Variants in BTBD7 observed in about 807,000 individuals in gnomAD.
BTBD7 encodes BTB domain containing 7.
In BTBD7, 38 loss-of-function variants were observed where a neutral mutation model predicts 99.9. The ratio of observed to expected loss-of-function variants is 0.38; its 90% CI spans 0.29 to 0.50. The LOEUF is 0.50. Among genes scored for constraint, BTBD7 ranks in the 20% least tolerant of loss-of-function variants. BTBD7 has a pLI of 0.93. For synonymous variants in BTBD7, 520 were observed against 511.4 expected (o/e 1.02, Z -0.23); for missense variants, 1,170 against 1,394.6 (o/e 0.84, Z 2.57).
intron 6 of BTBD7, chr14:93,256,195 CT>C (rs2052427010): frequency 6.6e-6 from 1 of 152,142 alleles, no homozygotes; most frequent in Non-Finnish European, 1.5e-5. Context: ...ATTTCTTCTT[CT>C]GCTAATCAGT....
At chr14:93,328,252 T>C (rs1405091361) in intron 1 of BTBD7, among the ~76,000 whole-genome samples, 2 of 152,062 alleles carry the variant, frequency 1.3e-5, no homozygotes, top group Admixed American at 6.6e-5. Flanking sequence ...TTTGCAGAAA[T>C]AGAAAAACCC....
chr14:93,264,495 T>C (rs1028510169), intron 3 of BTBD7, among the ~76,000 whole-genome samples: 1 of 152,032 alleles, frequency 6.6e-6, no homozygotes, highest in Non-Finnish European at 1.5e-5. Flanking sequence ...CTTCAGAAAA[T>C]AGACAAAATA....
intron 3 of BTBD7, among the ~76,000 whole-genome samples, chr14:93,282,491 C>T (rs2052732382): frequency 6.6e-6 from 1 of 152,122 alleles, no homozygotes; most frequent in Non-Finnish European, 1.5e-5. Context: ...CGCCACCACA[C>T]CTGGCTAATT....
Position 93,242,173 on chromosome 14 carries a change from A to G in BTBD7, c.*100T>C. 1.9e-6 allele frequency: 2 copies of G among 1,051,572 alleles called. No homozygotes were observed. The highest frequency in any genetic ancestry group is 2.8e-6 in the Non-Finnish European group (2 of 716,792). 65.1% of individuals were successfully genotyped at this position (1,051,572 alleles called of 1,614,324 possible). On this transcript the variant is annotated 3_prime_UTR_variant, in exon 11 of 11. Coordinates refer to ENST00000334746, the MANE Select transcript of BTBD7 (RefSeq NM_001002860.4). ...ACTAGAACAAAATCATGTGAAACCGAGTTATCAGCTGGCATTGATGAACTG... is the reference window on the plus strand; with the variant it reads ...ACTAGAACAAAATCATGTGAAACCGGGTTATCAGCTGGCATTGATGAACTG...
At chr14:93,309,408 GAAAAAAA>G (rs11308931) in intron 1 of BTBD7, among the ~76,000 whole-genome samples, 1 of 127,062 alleles carries the variant, frequency 7.9e-6, no homozygotes, top group Non-Finnish European at 1.7e-5. Context: ...CTGTCTCCAA[GAAAAAAA>G]AAAAAAAAAG....
chr14:93,305,454 A>C (rs1457240512), intron 1 of BTBD7, among the ~76,000 whole-genome samples: 2 of 152,244 alleles, frequency 1.3e-5, no homozygotes, highest in Non-Finnish European at 2.9e-5. Flanking sequence ...TCTCTGTAAG[A>C]GACATCAACA....
At chr14:93,328,941 G>A (rs185494601) in intron 1 of BTBD7, among the ~76,000 whole-genome samples, 68 of 152,190 alleles carry the variant, frequency 4.5e-4, no homozygotes, top group African/African-American at 1.5e-3. Flanking sequence ...AGAAAACATA[G>A]GGGAAAAGCT....
At chr14:93,256,108 C>T (rs1045473772) in intron 6 of BTBD7, 2 of 152,126 alleles carry the variant, frequency 1.3e-5, no homozygotes, top group Non-Finnish European at 2.9e-5. Flanking sequence ...TTCCATGTTT[C>T]CATTTAGTAT....
Position 93,296,107 on chromosome 14 carries a change from G to C in BTBD7, c.-56C>G. On this transcript the variant is annotated 5_prime_UTR_variant, in exon 2 of 11. Coordinates refer to ENST00000334746, the MANE Select transcript of BTBD7 (RefSeq NM_001002860.4). ...GGGTTCTTCAGAGTATAATCCCAGA[G>C]GCCTTTATGAACCTTCAACCCTGGA... 6.3e-7 allele frequency: 1 copy of C among 1,582,548 alleles called. No individual in the cohort carries two copies. Among genetic ancestry groups the C allele is most frequent in the Non-Finnish European group, 8.6e-7 (1 of 1,163,272 alleles).
chr14:93,262,907 G>A (rs2052506004), intron 4 of BTBD7, among the ~76,000 whole-genome samples: 1 of 151,980 alleles, frequency 6.6e-6, no homozygotes, highest in Non-Finnish European at 1.5e-5. Flanking sequence ...ATGAGACAAG[G>A]TTAATGAACA....
At chr14:93,287,215 C>A (rs991678788) in intron 3 of BTBD7, among the ~76,000 whole-genome samples, 3 of 132,966 alleles carry the variant, frequency 2.3e-5, no homozygotes, top group East Asian at 2.2e-4. Flanking sequence ...GGCGACAGAG[C>A]GAGACTCTGT....
Position 93,242,891 on chromosome 14 carries a change from G to T in BTBD7, c.2781C>A (p.His927Gln). 6.2e-7 allele frequency: 1 copy of T among 1,614,144 alleles called. No homozygotes were observed. The highest frequency in any genetic ancestry group is 2.2e-5 in the East Asian group (1 of 44,874). The stretch of plus-strand genomic sequence containing the variant: ...TGGTGTCTGTTTTTTGCTCTAGTGT[G>T]TGTTTTTTCCGAGAAGTGTGTGTAT... ...QRHTHTSRKK[H>Q]TLEQKTDTRE... is the part of the protein sequence containing the mutation. The change falls in exon 11 of 11, where the codon CAC (histidine) becomes CAA (glutamine). Residue 927 changes from histidine to glutamine, a missense_variant. Around this residue, in one of 4 missense-constraint regions of BTBD7, gnomAD observed 495 missense variants for 525.9 expected, o/e 0.94. Coordinates refer to ENST00000334746, the MANE Select transcript of BTBD7 (RefSeq NM_001002860.4).
At chr14:93,288,688 C>T in intron 3 of BTBD7, 8 of 1,591,588 alleles carry the variant, frequency 5.0e-6, no homozygotes, top group Non-Finnish European at 6.9e-6. Context: ...CACAGGCAGG[C>T]CTGATGACTG....
rs2052303784 is a variant in BTBD7 at position 93,246,096 on chromosome 14, G to A, written c.2312C>T (p.Pro771Leu). Residue 771 changes from proline (P) to leucine (L), a missense_variant, in exon 10 of 11, where the codon CCA becomes CTA. By Grantham distance (98) the Pro-to-Leu change is moderately conservative (BLOSUM62 -3). Around this residue, in one of 4 missense-constraint regions of BTBD7, gnomAD observed 495 missense variants for 525.9 expected, o/e 0.94. Coordinates refer to ENST00000334746, the MANE Select transcript of BTBD7 (RefSeq NM_001002860.4). ...PPPPYHPPAT[P>L]IHNQLKAGWK... ...GCCTGCTTTGAGTTGGTTATGGATT[G>A]GGGTAGCTGGGGGGTGGTAGGGAGG... 6.4e-7 allele frequency: 1 copy of A among 1,566,070 alleles called. No homozygotes were observed. The highest frequency in any genetic ancestry group is 1.1e-5 in the South Asian group (1 of 89,182).
At chr14:93,282,633 T>C (rs2052734169) in intron 3 of BTBD7, among the ~76,000 whole-genome samples, 1 of 152,046 alleles carries the variant, frequency 6.6e-6, no homozygotes, top group South Asian at 2.1e-4. Flanking sequence ...ACCCGGCCTA[T>C]GCTTGGTTTT....
Position 93,246,150 on chromosome 14 carries a change from G to T in BTBD7, c.2258C>A (p.Ala753Asp). 6.2e-7 allele frequency: 1 copy of T among 1,614,026 alleles called. No individual in the cohort carries two copies. Among genetic ancestry groups the T allele is most frequent in the Non-Finnish European group, 8.5e-7 (1 of 1,179,966 alleles). ...TMFTDLDSFV[A>D]FHPPLPPPPP... ...TGGAGGGGGCAAGGGTGGATGGAAG[G>T]CCACAAAAGAGTCCAGATCTGTAAA... The change falls in exon 10 of 11, where the codon GCC (alanine) becomes GAC (aspartate). Residue 753 changes from alanine (A) to aspartate (D), a missense_variant. Transcript: ENST00000334746.
intron 1 of BTBD7, among the ~76,000 whole-genome samples, chr14:93,321,529 G>A (rs2053269562): frequency 6.6e-6 from 1 of 152,190 alleles, no homozygotes; most frequent in South Asian, 2.1e-4. Context: ...GGAGGTGGAG[G>A]TTGCAGTGAG....
chr14:93,297,963 T>C (rs899454550), intron 1 of BTBD7, among the ~76,000 whole-genome samples: 2 of 152,358 alleles, frequency 1.3e-5, no homozygotes, highest in Admixed American at 6.5e-5. Flanking sequence ...GTGAAAATCA[T>C]GCTGAAGTGT....
chr14:93,327,541 AT>A (rs2053347416), intron 1 of BTBD7, among the ~76,000 whole-genome samples: 1 of 152,224 alleles, frequency 6.6e-6, no homozygotes, highest in Admixed American at 6.5e-5. Flanking sequence ...CAGGCTAGAA[AT>A]TCTTTCTTTT....
Sources: allele counts gnomAD v4.1 joint callset (sites outside exome capture counted in the v4.1 genomes callset), GRCh38; gene constraint gnomAD v4.1.1; regional missense constraint gnomAD v4.1.1; transcripts MANE v1.5; gene names NCBI Gene and HGNC (gene_info 2026-07-23, HGNC 2026-07-21).